Variants in CFAP92 observed in about 807,000 individuals in gnomAD.
The protein encoded by CFAP92 is cilia and flagella associated protein 92 (putative), also known as uncharacterized protein CFAP92.
CFAP92 carries 86 observed loss-of-function variants against 106.3 expected under a neutral mutation model. That is an observed-to-expected ratio of 0.81 (90% CI 0.68 to 0.97). The LOEUF (loss-of-function observed/expected upper bound fraction) is 0.97. Ranked by LOEUF, CFAP92 falls within the 50% of genes least tolerant of loss-of-function variation. The probability of loss-of-function intolerance (pLI) is 0.00; values close to 1 mark genes in which losing one functional copy is unlikely to be tolerated. For synonymous variants in CFAP92, 477 were observed against 506.4 expected, an observed-to-expected ratio of 0.94 and a Z score of 0.78; for missense variants, 1,204 against 1,283.8, an observed-to-expected ratio of 0.94 and a Z score of 0.95.
chr3:128,932,958 G>C lies in CFAP92; in HGVS notation c.2493C>G (p.Asp831Glu), dbSNP rs1393659688. 6.5e-7 allele frequency: 1 copy of C among 1,536,116 alleles called. No individual in the cohort carries two copies. The highest frequency in any genetic ancestry group is 2.0e-5 in the Admixed American group (1 of 50,998). Reference sequence around the variant, plus strand: ...AGGGCAGCAGGTCCCTCACCGTCACGTCCCAGAGGGTGGTGCTGTTATAGC... The same window carrying C: ...AGGGCAGCAGGTCCCTCACCGTCACCTCCCAGAGGGTGGTGCTGTTATAGC... ...DICYNSTTLW[D>E]VTVRDLLPSS... The change falls in exon 12 of 16, where the codon GAC becomes GAG. Residue 831 changes from aspartate (D) to glutamate (E), a missense_variant. Physicochemically the swap from Asp to Glu is conservative, Grantham distance 45. Coordinates refer to ENST00000645291, the MANE Select transcript of CFAP92 (RefSeq NM_001394090.1).
upstream of CFAP92, among the ~76,000 whole-genome samples, chr3:129,005,133 G>A (rs2107859292): frequency 6.6e-6 from 1 of 152,348 alleles, no homozygotes; most frequent in Non-Finnish European, 1.5e-5. Flanking sequence ...CAGGCATCAG[G>A]GATGTGACCA....
chr3:128,910,045 C>G lies in CFAP92; in HGVS notation c.*254G>C. On this transcript the variant is annotated 3_prime_UTR_variant, in exon 16 of 16. Transcript: ENST00000645291. ...GACCATCATGGAGGAGCAGCTGGTACTGAAGCGGGTGGCCAACATCCTCAT... is the reference window on the plus strand; with the variant it reads ...GACCATCATGGAGGAGCAGCTGGTAGTGAAGCGGGTGGCCAACATCCTCAT... The G allele has an allele frequency of 6.2e-7, 1 of 1,613,858 alleles. No homozygotes were observed. Among genetic ancestry groups the G allele is most frequent in the Non-Finnish European group, 8.5e-7 (1 of 1,179,982 alleles).
intron 10 of CFAP92, among the ~76,000 whole-genome samples, chr3:128,939,773 A>T (rs1198852860): frequency 6.6e-6 from 1 of 152,192 alleles, no homozygotes; most frequent in Non-Finnish European, 1.5e-5. Context: ...GTTGCACCTC[A>T]GATCACCAGG....
At chr3:128,937,233 A>G (rs1939113789) in intron 10 of CFAP92, among the ~76,000 whole-genome samples, 1 of 147,512 alleles carries the variant, frequency 6.8e-6, no homozygotes, top group Non-Finnish European at 1.5e-5. Flanking sequence ...CCCTGGAGGT[A>G]GAGGTTGCAG....
At chr3:128,952,375 C>G (rs1044488481) in intron 9 of CFAP92, among the ~76,000 whole-genome samples, 3 of 152,056 alleles carry the variant, frequency 2.0e-5, no homozygotes, top group African/African-American at 7.2e-5. Flanking sequence ...GATTCTCCAG[C>G]ACCCAGCTTA....
intron 4 of CFAP92, among the ~76,000 whole-genome samples, chr3:128,982,190 GT>G (rs2107802602): frequency 6.6e-6 from 1 of 152,358 alleles, no homozygotes; most frequent in East Asian, 1.9e-4. Flanking sequence ...GTGGCTTAGT[GT>G]AGTTGCCTTC....
chr3:128,939,110 C>T (rs1453171814), intron 10 of CFAP92, among the ~76,000 whole-genome samples: 2 of 152,072 alleles, frequency 1.3e-5, no homozygotes, highest in Non-Finnish European at 2.9e-5. Flanking sequence ...TTTATCCTTT[C>T]CCTACTGAAC....
In CFAP92 at chr3:128,978,197, G is replaced by C. The variant is rs146051375; in HGVS notation, c.668-12C>G. The C allele has an allele frequency of 2.0e-5, 32 of 1,609,374 alleles. No homozygotes were observed. Among genetic ancestry groups the C allele is most frequent in the Non-Finnish European group, 2.5e-5 (30 of 1,177,128 alleles). Reference sequence around the variant, plus strand: ...CAAATGTCTCACTTCTAGAATGCAGGAGAAGAAAGGATCATTGACTCAATC... The same window carrying C: ...CAAATGTCTCACTTCTAGAATGCAGCAGAAGAAAGGATCATTGACTCAATC... On this transcript the variant is annotated splice_polypyrimidine_tract_variant and intron_variant, in intron 4 of 15. Transcript: ENST00000645291.
At chr3:129,022,524 C>T in the CFAP92 span, among the ~76,000 whole-genome samples, 2 of 152,288 alleles carry the variant, frequency 1.3e-5, no homozygotes, top group South Asian at 4.1e-4. Context: ...GGGCTGGCGG[C>T]CAGATGTGGC....
chr3:128,949,635 G>A (rs1224191250), intron 9 of CFAP92, among the ~76,000 whole-genome samples: 1 of 152,220 alleles, frequency 6.6e-6, no homozygotes, highest in Non-Finnish European at 1.5e-5. Flanking sequence ...GGGGTTTGGG[G>A]TAACAGAACT....
At chr3:128,972,566 G>C (rs1942879512) in intron 7 of CFAP92, among the ~76,000 whole-genome samples, 2 of 150,984 alleles carry the variant, frequency 1.3e-5, no homozygotes, top group Non-Finnish European at 2.9e-5. Context: ...TTTAAGAGGT[G>C]ATGTTTCGCC....
intron 9 of CFAP92, among the ~76,000 whole-genome samples, chr3:128,957,312 CAT>C (rs1257100597): frequency 6.6e-6 from 1 of 152,160 alleles, no homozygotes. Flanking sequence ...AACATCATCT[CAT>C]GTGGTTATCA....
At chr3:128,911,937 T>C (rs1399116140) in intron 15 of CFAP92, among the ~76,000 whole-genome samples, 2 of 152,172 alleles carry the variant, frequency 1.3e-5, no homozygotes, top group Admixed American at 1.3e-4. Flanking sequence ...CCGCTCTGTC[T>C]GCAGTGCTCT....
intron 9 of CFAP92, among the ~76,000 whole-genome samples, chr3:128,957,419 G>A (rs898520678): frequency 4.6e-5 from 7 of 152,160 alleles, no homozygotes; most frequent in Non-Finnish European, 1.5e-5. Context: ...TTGATACCAA[G>A]AGATTGCGAA....
At chr3:128,931,199 C>A (rs996958539) in intron 12 of CFAP92, among the ~76,000 whole-genome samples, 1 of 151,438 alleles carries the variant, frequency 6.6e-6, no homozygotes, top group Non-Finnish European at 1.5e-5. Context: ...GGCACTGTGC[C>A]GCATTGAGAC....
At chr3:129,015,402 A>G in the CFAP92 span, among the ~76,000 whole-genome samples, 25 of 151,320 alleles carry the variant, frequency 1.7e-4, no homozygotes, top group African/African-American at 6.1e-4. Context: ...TGATGACTTC[A>G]TTGAGGTCTG....
intron 9 of CFAP92, among the ~76,000 whole-genome samples, chr3:128,949,201 T>C (rs955092863): frequency 3.3e-5 from 5 of 152,252 alleles, no homozygotes; most frequent in African/African-American, 1.2e-4. Context: ...AGCAATTTCA[T>C]TTGTTGGCAT....
chr3:128,927,162 C>T (rs775652376), intron 12 of CFAP92, among the ~76,000 whole-genome samples: 7 of 152,034 alleles, frequency 4.6e-5, no homozygotes, highest in Non-Finnish European at 7.4e-5. Context: ...CATATGAGTA[C>T]GCAGCAAGAT....
At chr3:128,997,438 A>G (rs901079260), upstream of CFAP92, among the ~76,000 whole-genome samples, 2 of 152,062 alleles carry the variant, frequency 1.3e-5, no homozygotes, top group East Asian at 1.9e-4. Context: ...CATCCCCCTA[A>G]TAAGACTTCA....
Sources: allele counts gnomAD v4.1 joint callset (sites outside exome capture counted in the v4.1 genomes callset), GRCh38; gene constraint gnomAD v4.1.1; transcripts MANE v1.5; gene names NCBI Gene and HGNC (gene_info 2026-07-23, HGNC 2026-07-21).